The following RALGPS2 variants were observed in gnomAD, a reference collection of about 807,000 sequenced individuals.
RALGPS2 encodes the protein Ral GEF with PH domain and SH3 binding motif 2, also known as ras-specific guanine nucleotide-releasing factor RalGPS2.
A neutral mutation model predicts 86.8 loss-of-function variants in RALGPS2; 43 were observed. That is an observed-to-expected ratio of 0.50 (90% CI 0.39 to 0.64). The LOEUF is 0.64. RALGPS2 is among the 30% of genes least tolerant of loss of function. RALGPS2 has a pLI of 0.00. For missense variants in RALGPS2, 536 were observed against 694.6 expected, an observed-to-expected ratio of 0.77 and a Z score of 2.57; for synonymous variants, 243 against 231.3, an observed-to-expected ratio of 1.05 and a Z score of -0.46.
At chr1:178,859,902 A>G (rs2102319238) in intron 8 of RALGPS2, among the ~76,000 whole-genome samples, 1 of 143,890 alleles carries the variant, frequency 6.9e-6, no homozygotes, top group East Asian at 2.1e-4. Context: ...TATTTTTGGT[A>G]GAGACGGGGT....
At chr1:178,801,005 C>G (rs1312213896) in intron 4 of RALGPS2, among the ~76,000 whole-genome samples, 1 of 151,878 alleles carries the variant, frequency 6.6e-6, no homozygotes, top group Admixed American at 6.6e-5. Flanking sequence ...CAGCTCACTG[C>G]AAACTCCACC....
intron 19 of RALGPS2, among the ~76,000 whole-genome samples, chr1:178,907,407 G>C (rs1197020483): frequency 1.3e-5 from 2 of 152,160 alleles, no homozygotes; most frequent in Admixed American, 1.3e-4. Flanking sequence ...ATCTTTATTT[G>C]ATCTATTGAC....
chr1:178,799,600 A>G (rs963489325), intron 4 of RALGPS2, among the ~76,000 whole-genome samples: 1 of 151,656 alleles, frequency 6.6e-6, no homozygotes, highest in Non-Finnish European at 1.5e-5. Context: ...GAAAATGAGA[A>G]CCCCTTTTCT....
At chr1:178,868,812 T>A (rs1225943211) in intron 8 of RALGPS2, among the ~76,000 whole-genome samples, 2 of 151,970 alleles carry the variant, frequency 1.3e-5, no homozygotes, top group Non-Finnish European at 2.9e-5. Context: ...GTTTAGTTTT[T>A]AAATAAATAT....
chr1:178,853,127 T>TTTTG, intron 8 of RALGPS2: 2 of 985,348 alleles, frequency 2.0e-6, no homozygotes, highest in African/African-American at 1.7e-5. Context: ...GTCATTCTCT[T>TTTTG]TTTGTTTGTT....
intron 8 of RALGPS2, among the ~76,000 whole-genome samples, chr1:178,867,433 A>G (rs1291388947): frequency 6.6e-6 from 1 of 152,090 alleles, no homozygotes; most frequent in Admixed American, 6.6e-5. Flanking sequence ...CATGTTAACT[A>G]TTTGCATTTA....
Position 178,775,289 on chromosome 1 carries a change from A to C in RALGPS2, c.-83-1393A>C, listed in dbSNP as rs1653024444. Among the ~76,000 whole-genome samples the C allele has an allele frequency of 5.3e-5, 8 of 152,290 alleles. No individual in the cohort carries two copies. In the South Asian group the frequency reaches 1.7e-3, roughly 32 times the overall value. On this transcript the variant is annotated intron_variant, in intron 1 of 19. Transcript: ENST00000367635. ...TTTACACAGAGGTAATGTGGTTCCAAAATTTGTGCTTTTAAATCACTATAT... is the reference window on the plus strand; with the variant it reads ...TTTACACAGAGGTAATGTGGTTCCACAATTTGTGCTTTTAAATCACTATAT...
intron 19 of RALGPS2, among the ~76,000 whole-genome samples, chr1:178,910,015 T>C (rs1660562952): frequency 6.6e-6 from 1 of 152,186 alleles, no homozygotes; most frequent in African/African-American, 2.4e-5. Flanking sequence ...TTTTTTCTTT[T>C]TGTGGCTATT....
At chr1:178,733,709 CTG>C (rs1650523025) in intron 1 of RALGPS2, among the ~76,000 whole-genome samples, 2 of 152,162 alleles carry the variant, frequency 1.3e-5, no homozygotes, top group African/African-American at 2.4e-5. Context: ...AGTTTCATGT[CTG>C]GGGATAGACC....
chr1:178,779,992 C>T (rs1462306703), intron 2 of RALGPS2, among the ~76,000 whole-genome samples: 2 of 152,170 alleles, frequency 1.3e-5, no homozygotes, highest in African/African-American at 4.8e-5. Context: ...CCTTGGCCTC[C>T]CAAACTGCTG....
At chr1:178,760,060 T>G (rs954761613) in intron 1 of RALGPS2, among the ~76,000 whole-genome samples, 11 of 152,192 alleles carry the variant, frequency 7.2e-5, no homozygotes, top group Admixed American at 6.5e-5. Context: ...CCTTTCCAAT[T>G]TGAATGTCTT....
chr1:178,885,961 G>C lies in RALGPS2; in HGVS notation c.1041-8G>C. The C allele has an allele frequency of 6.4e-7, 1 of 1,568,796 alleles. No homozygotes were observed. The highest frequency in any genetic ancestry group is 8.6e-7 in the Non-Finnish European group (1 of 1,161,808). On this transcript the variant is annotated splice_region_variant and splice_polypyrimidine_tract_variant and intron_variant, in intron 12 of 19. Transcript: ENST00000367635. ...ATAAAAGATATGAACTTTTTTTTCT[G>C]TTTCTAGTTTCATTCATAAAATGAA...
At position 178,917,178 on chromosome 1, in the gene RALGPS2, A is replaced by C. The variant is rs1333452802; in HGVS notation, c.*819A>C. ...AAAGTTTAGCTTTCTATATGAATTC[A>C]TTGTTGGACCACAGATCTGCTTAAG... On this transcript the variant is annotated 3_prime_UTR_variant, in exon 20 of 20. Transcript: ENST00000367635. 1.3e-5 allele frequency: 2 copies of C among 152,140 alleles called. No individual in the cohort carries two copies. Among genetic ancestry groups the C allele is most frequent in the African/African-American group, 4.8e-5 (2 of 41,432 alleles). The allele number at this position is 152,140 out of a possible 1,614,324, so 9.4% of individuals were successfully genotyped here.
chr1:178,800,985 G>C (rs1654442785), intron 4 of RALGPS2, among the ~76,000 whole-genome samples: 1 of 151,192 alleles, frequency 6.6e-6, no homozygotes, highest in Non-Finnish European at 1.5e-5. Context: ...GGAGCGCAGT[G>C]GCGTGATCTC....
chr1:178,806,240 AATGTCTGTAGTCTACTTTC>A lies in RALGPS2; in HGVS notation c.214-1803_214-1785del, dbSNP rs1654733784. Among the ~76,000 whole-genome samples, 4 of 152,268 alleles carry A rather than the reference AATGTCTGTAGTCTACTTTC, an allele frequency of 2.6e-5. No individual in the cohort carries two copies. The South Asian group carries it at 8.3e-4, about 32-fold the overall frequency. On this transcript the variant is annotated intron_variant, in intron 4 of 19. Coordinates refer to ENST00000367635, the MANE Select transcript of RALGPS2 (RefSeq NM_152663.5). ...ATTCTCTGAGATGTTCATGTCTGAA[AATGTCTGTAGTCTACTTTC>A]AGACTTCATTGATATTTGTGTTGGA...
rs1184691909 is a variant in RALGPS2 at position 178,782,251 on chromosome 1, A to T, written c.58-2167A>T. On this transcript the variant is annotated intron_variant, in intron 2 of 19. Coordinates refer to ENST00000367635, the MANE Select transcript of RALGPS2 (RefSeq NM_152663.5). ...AAAGTTAAAAACTCCTTGGGTGTCC[A>T]GTCTTAGATTCTTCTCACCCTCTGC... is the stretch of plus-strand genomic sequence containing the variant. Among the ~76,000 whole-genome samples the T allele has an allele frequency of 1.2e-4, 19 of 152,148 alleles. 1 individual carries two copies. Among genetic ancestry groups the T allele is most frequent in the Admixed American group, 1.2e-3 (18 of 15,260 alleles).
chr1:178,736,682 G>T (rs1330794767), intron 1 of RALGPS2, among the ~76,000 whole-genome samples: 1 of 152,062 alleles, frequency 6.6e-6, no homozygotes, highest in Admixed American at 6.6e-5. Flanking sequence ...CGGATTGCTT[G>T]AGCCCAGGAG....
chr1:178,852,624 T>C, intron 8 of RALGPS2: 1 of 1,531,052 alleles, frequency 6.5e-7, no homozygotes, highest in Non-Finnish European at 8.8e-7. Context: ...TATTAGTAGA[T>C]TCTATTTAAT....
rs1334917985 is a variant in RALGPS2 at position 178,916,457 on chromosome 1, G to C, written c.*98G>C. The C allele has an allele frequency of 3.4e-6, 4 of 1,162,572 alleles. No individual in the cohort carries two copies. Among genetic ancestry groups the C allele is most frequent in the Non-Finnish European group, 4.9e-6 (4 of 816,266 alleles). The allele number at this position is 1,162,572 out of a possible 1,614,324, so 72.0% of individuals were successfully genotyped here. ...TATAAACCATCCTGTGCCAGGAAGAGCCCAGAGGCTCTGTCTCAGTCGTTG... is the reference window on the plus strand; with the variant it reads ...TATAAACCATCCTGTGCCAGGAAGACCCCAGAGGCTCTGTCTCAGTCGTTG... On this transcript the variant is annotated 3_prime_UTR_variant, in exon 20 of 20. Transcript: ENST00000367635.
Sources: gnomAD v4.1 joint callset for allele counts (sites outside exome capture counted in the v4.1 genomes callset) on GRCh38, gnomAD v4.1.1 for gene constraint, MANE v1.5 for transcripts, NCBI Gene and HGNC (gene_info 2026-07-23, HGNC 2026-07-21) for gene names.